Variants in ATF7IP observed in about 807,000 individuals in gnomAD.
The protein encoded by ATF7IP is activating transcription factor 7 interacting protein, also known as activating transcription factor 7-interacting protein 1.
Under a neutral mutation model 106.4 loss-of-function variants are expected in ATF7IP, and 23 were observed. The ratio of observed to expected loss-of-function variants is 0.22; its 90% CI spans 0.16 to 0.31. ATF7IP has a LOEUF of 0.31. Ranked by LOEUF, ATF7IP falls within the 10% of genes least tolerant of loss-of-function variation. The pLI is 1.00. For missense variants in ATF7IP, 1,334 were observed against 1,524.3 expected (o/e 0.88, Z 2.08); for synonymous variants, 542 against 539.0 (o/e 1.01, Z -0.08).
chr12:14,446,984 T>TC lies in ATF7IP; in HGVS notation c.1930-3dup, dbSNP rs1942994265. On this transcript the variant is annotated splice_polypyrimidine_tract_variant and splice_region_variant and intron_variant, in intron 5 of 14. Coordinates refer to ENST00000261168, the MANE Select transcript of ATF7IP (RefSeq NM_018179.5). ...TTCATTTTTGTCTTTTTTTTTTTTT[T>TC]CAGGCCAAGATAGCCAGGTTAACCA... 7.1e-6 allele frequency: 11 copies of TC among 1,556,310 alleles called. No homozygotes were observed. The highest frequency in any genetic ancestry group is 7.8e-6 in the Non-Finnish European group (9 of 1,158,506).
chr12:14,487,968 A>G (rs890625493), intron 13 of ATF7IP, among the ~76,000 whole-genome samples: 2 of 152,202 alleles, frequency 1.3e-5, no homozygotes, highest in Non-Finnish European at 2.9e-5. Flanking sequence ...TTTATTTTGC[A>G]TAACTCTCTA....
Position 14,400,441 on chromosome 12 carries a change from T to C in ATF7IP, c.-7-23468T>C, listed in dbSNP as rs77777817. Among the ~76,000 whole-genome samples the C allele has an allele frequency of 4.2e-3, 567 of 134,718 alleles. 21 individuals are homozygous for C. The East Asian group carries it at 0.1, about 25-fold the overall frequency. 88.4% of individuals were successfully genotyped at this position (134,718 alleles called of 152,430 possible). The stretch of plus-strand genomic sequence containing the variant: ...ATTTTACTGAGGTAAGGAGAAGATA[T>C]ATATTTTAGATAGATAACCAGGAAA... On this transcript the variant is annotated intron_variant, in intron 1 of 14. Coordinates refer to ENST00000261168, the MANE Select transcript of ATF7IP (RefSeq NM_018179.5).
intron 1 of ATF7IP, among the ~76,000 whole-genome samples, chr12:14,389,738 C>T (rs921958894): frequency 1.3e-5 from 2 of 152,178 alleles, no homozygotes; most frequent in African/African-American, 4.8e-5. Flanking sequence ...AGCAATTCTC[C>T]TGCCTCAGCC....
intron 13 of ATF7IP, among the ~76,000 whole-genome samples, chr12:14,486,621 A>G (rs1286913474): frequency 6.6e-6 from 1 of 152,188 alleles, no homozygotes; most frequent in Non-Finnish European, 1.5e-5. Flanking sequence ...GCTTCCTATC[A>G]GTTTCATCTC....
intron 1 of ATF7IP, among the ~76,000 whole-genome samples, chr12:14,398,547 G>T (rs1264711439): frequency 6.7e-6 from 1 of 149,352 alleles, no homozygotes. Flanking sequence ...GATGTACATT[G>T]GCTGTATTTG....
rs969813766 is a variant in ATF7IP at position 14,499,494 on chromosome 12, G to A, written c.*1421G>A. On this transcript the variant is annotated 3_prime_UTR_variant, in exon 15 of 15. Coordinates refer to ENST00000261168, the MANE Select transcript of ATF7IP (RefSeq NM_018179.5). ...ACTAACTCCTTAGTATTCTTTCAAA[G>A]GAAGCAAATAGTAAGATTACAATAT... 1 of 152,190 alleles carries A rather than the reference G, an allele frequency of 6.6e-6. No individual in the cohort carries two copies. Among genetic ancestry groups the A allele is most frequent in the Non-Finnish European group, 1.5e-5 (1 of 68,034 alleles). The allele number at this position is 152,190 out of a possible 1,614,324, so 9.4% of individuals were successfully genotyped here. A position where few individuals can be genotyped will look rare whatever the true frequency, so the allele number is the denominator to read the frequency against.
intron 13 of ATF7IP, among the ~76,000 whole-genome samples, chr12:14,487,042 G>A (rs1452927241): frequency 6.6e-6 from 1 of 152,110 alleles, no homozygotes; most frequent in African/African-American, 2.4e-5. Context: ...TTAACCAAGG[G>A]AGATAAATCA....
Position 14,460,494 on chromosome 12 carries a change from G to A in ATF7IP, c.2159-1G>A. The A allele has an allele frequency of 1.9e-6, 3 of 1,608,252 alleles. No homozygotes were observed. The highest frequency in any genetic ancestry group is 2.7e-5 in the African/African-American group (2 of 74,714). ...CTGAGGCTTCTGTTTTCTTTCTATA[G>A]TATCTTCAACCAATCTTGTCACTCC... On this transcript the variant is annotated splice_acceptor_variant, in intron 8 of 14. Transcript: ENST00000261168. LOFTEE classifies it high-confidence loss of function.
At chr12:14,473,903 T>C (rs1270883558) in intron 10 of ATF7IP, among the ~76,000 whole-genome samples, 2 of 152,032 alleles carry the variant, frequency 1.3e-5, no homozygotes, top group African/African-American at 4.8e-5. Context: ...TACTCTTTGC[T>C]CCTGTATAAC....
At chr12:14,486,676 G>A (rs1338245844) in intron 13 of ATF7IP, among the ~76,000 whole-genome samples, 2 of 152,156 alleles carry the variant, frequency 1.3e-5, no homozygotes, top group Non-Finnish European at 2.9e-5. Context: ...CTCTATACAA[G>A]TCGGACTCTT....
chr12:14,449,669 A>G (rs1943119716), intron 6 of ATF7IP, among the ~76,000 whole-genome samples: 1 of 148,264 alleles, frequency 6.7e-6, no homozygotes. Context: ...TATTTTTGCA[A>G]TTCAAGATCC....
At chr12:14,437,136 A>G (rs1019204094) in intron 4 of ATF7IP, among the ~76,000 whole-genome samples, 2 of 152,222 alleles carry the variant, frequency 1.3e-5, no homozygotes, top group African/African-American at 4.8e-5. Context: ...GATAGAAATA[A>G]TGAAAATATT....
Position 14,436,091 on chromosome 12 carries a change from G to A in ATF7IP, c.1646-15G>A. On this transcript the variant is annotated splice_polypyrimidine_tract_variant and intron_variant, in intron 3 of 14. Transcript: ENST00000261168. The stretch of plus-strand genomic sequence containing the variant: ...AAAAACACCTGAGTGTGATCATTGT[G>A]GTTTTCCTTCTCAGATGAATTTTCT... 6.2e-7 allele frequency: 1 copy of A among 1,610,956 alleles called. No individual in the cohort carries two copies. Among genetic ancestry groups the A allele is most frequent in the Non-Finnish European group, 8.5e-7 (1 of 1,178,388 alleles).
intron 2 of ATF7IP, among the ~76,000 whole-genome samples, chr12:14,433,897 G>A (rs576879155): frequency 2.0e-5 from 3 of 152,044 alleles, no homozygotes; most frequent in African/African-American, 7.2e-5. Flanking sequence ...TATACCATAA[G>A]CATTAAAGTA....
chr12:14,471,172 A>G (rs941522718), intron 10 of ATF7IP, among the ~76,000 whole-genome samples: 2 of 152,204 alleles, frequency 1.3e-5, no homozygotes, highest in Admixed American at 6.5e-5. Flanking sequence ...CTTTTACACA[A>G]ATTAAATATG....
intron 1 of ATF7IP, among the ~76,000 whole-genome samples, chr12:14,402,662 G>GA (rs1433483856): frequency 6.8e-6 from 1 of 146,804 alleles, no homozygotes; most frequent in Admixed American, 6.9e-5. Context: ...TGGCTGAAGT[G>GA]AAGTGGTGCG....
chr12:14,481,324 G>C, intron 13 of ATF7IP, 139 bp downstream of exon 13: 1 of 710,586 alleles, frequency 1.4e-6, no homozygotes, highest in Admixed American at 2.7e-5. Context: ...AAGTTCAAGA[G>C]ATCTGTACTA....
intron 13 of ATF7IP, among the ~76,000 whole-genome samples, chr12:14,490,192 G>A (rs1207113079): frequency 6.6e-6 from 1 of 152,222 alleles, no homozygotes; most frequent in African/African-American, 2.4e-5. Flanking sequence ...GCGATGACAC[G>A]GGTGGCTGCG....
chr12:14,497,768 C>A lies in ATF7IP; in HGVS notation c.3508C>A (p.Arg1170Ser). Residue 1170 changes from arginine to serine, a missense_variant, in exon 15 of 15, where the codon CGC (arginine) becomes AGC (serine). Arg to Ser is a moderately radical substitution (Grantham distance 110). Coordinates refer to ENST00000261168, the MANE Select transcript of ATF7IP (RefSeq NM_018179.5). The part of the protein sequence containing the change: ...LPQKPHLKLA[R>S]VQSQNGIVLS... ...TCAGAAGCCACACTTGAAGTTAGCACGCGTTCAGAGTCAAAATGGCATAGT... is the reference window on the plus strand; with the variant it reads ...TCAGAAGCCACACTTGAAGTTAGCAAGCGTTCAGAGTCAAAATGGCATAGT... 1 of 1,614,138 alleles carries A rather than the reference C, an allele frequency of 6.2e-7. No individual in the cohort carries two copies. The highest frequency in any genetic ancestry group is 1.3e-5 in the African/African-American group (1 of 75,040).
Sources: allele counts gnomAD v4.1 joint callset (sites outside exome capture counted in the v4.1 genomes callset), GRCh38; gene constraint gnomAD v4.1.1; transcripts MANE v1.5; gene names NCBI Gene and HGNC (gene_info 2026-07-23, HGNC 2026-07-21).